KDM4C: variants seen among roughly 807,000 people sequenced by gnomAD.
KDM4C encodes the protein lysine-specific demethylase 4C.
KDM4C carries 81 observed loss-of-function variants against 129.3 expected under a neutral mutation model. The observed-to-expected ratio is 0.63, with a 90% CI of 0.52 to 0.75. KDM4C has a LOEUF of 0.75. KDM4C is among the 30% of genes least tolerant of loss of function. The pLI, the probability that KDM4C is intolerant of heterozygous loss-of-function variation, is 0.00. For synonymous variants in KDM4C, 573 were observed against 456.1 expected, an observed-to-expected ratio of 1.26 and a Z score of -3.26; for missense variants, 1,457 against 1,304.0, an observed-to-expected ratio of 1.12 and a Z score of -1.81.
chr9:7,039,681 A>G (rs895672906), intron 15 of KDM4C, among the ~76,000 whole-genome samples: 3 of 151,636 alleles, frequency 2.0e-5, no homozygotes, highest in East Asian at 1.9e-4. Flanking sequence ...ACAATAACTT[A>G]TGCTAGGGAA....
Position 7,128,094 on chromosome 9 carries a change from C to T in KDM4C, c.2639C>T (p.Ser880Phe). The T allele has an allele frequency of 6.3e-7, 1 of 1,596,394 alleles. No homozygotes were observed. The highest frequency in any genetic ancestry group is 8.5e-7 in the Non-Finnish European group (1 of 1,172,916). Residue 880 changes from serine (S) to phenylalanine (F), a missense_variant, in exon 19 of 22, where the codon TCC (serine) becomes TTC (phenylalanine). Ser to Phe is a radical substitution (Grantham distance 155). Coordinates refer to ENST00000381309, the MANE Select transcript of KDM4C (RefSeq NM_015061.6). ...VKSKACEKVI[S>F]VGQTVITKHR... ...TCCAAGGCTTGCGAGAAGGTCATTT[C>T]CGTGGGTCAAACGGTCATCACGAAG...
chr9:6,942,875 T>C (rs1205254271), intron 8 of KDM4C, among the ~76,000 whole-genome samples: 1 of 152,140 alleles, frequency 6.6e-6, no homozygotes, highest in Non-Finnish European at 1.5e-5. Context: ...AAATTTATTA[T>C]TATTATTTTT....
chr9:7,109,136 C>G (rs1838032109), intron 18 of KDM4C, among the ~76,000 whole-genome samples: 1 of 152,156 alleles, frequency 6.6e-6, no homozygotes, highest in African/African-American at 2.4e-5. Context: ...TCCTGTTTCC[C>G]TAATGGGCAT....
rs530664005 is a variant in KDM4C at position 6,987,258 on chromosome 9, C to A, written c.1677+592C>A. Among the ~76,000 whole-genome samples the A allele has an allele frequency of 7.9e-5, 12 of 152,266 alleles. No individual in the cohort carries two copies. In the East Asian group the frequency reaches 1.5e-3, roughly 20 times the overall value. On this transcript the variant is annotated intron_variant, in intron 11 of 21. Coordinates refer to ENST00000381309, the MANE Select transcript of KDM4C (RefSeq NM_015061.6). ...ACCCTGAATCTCAGGACCAGGGTGA[C>A]CTTTCTTGTCCTGCCCCCTCCTCGA...
intron 4 of KDM4C, among the ~76,000 whole-genome samples, chr9:6,831,350 A>G (rs1834784991): frequency 6.7e-6 from 1 of 150,022 alleles, no homozygotes; most frequent in Non-Finnish European, 1.5e-5. Flanking sequence ...TGCTTTCTTT[A>G]TGATGAGATC....
chr9:7,095,645 A>T (rs1836335523), intron 17 of KDM4C, among the ~76,000 whole-genome samples: 1 of 152,138 alleles, frequency 6.6e-6, no homozygotes, highest in Non-Finnish European at 1.5e-5. Flanking sequence ...AAAATATTAT[A>T]GTTTCCAACA....
intron 8 of KDM4C, among the ~76,000 whole-genome samples, chr9:6,929,470 TC>T (rs562923624): frequency 1.2e-3 from 150 of 129,488 alleles, no homozygotes; most frequent in African/African-American, 4.1e-3. Context: ...TTTGACTTTT[TC>T]TTTTTTTTTT....
intron 5 of KDM4C, among the ~76,000 whole-genome samples, chr9:6,856,583 T>TGTA (rs1491295273): frequency 7.6e-6 from 1 of 132,208 alleles, no homozygotes; most frequent in Non-Finnish European, 1.6e-5. Context: ...TGTGTGTGTA[T>TGTA]TTTTTTTTGA....
At chr9:7,138,789 C>G (rs1190561574) in intron 19 of KDM4C, among the ~76,000 whole-genome samples, 2 of 152,072 alleles carry the variant, frequency 1.3e-5, no homozygotes, top group African/African-American at 4.8e-5. Context: ...CATTGCATTC[C>G]TGCCTGGGTG....
intron 19 of KDM4C, among the ~76,000 whole-genome samples, chr9:7,158,771 A>C (rs1023231108): frequency 6.6e-6 from 1 of 152,198 alleles, no homozygotes; most frequent in African/African-American, 2.4e-5. Context: ...CTATGTGGTC[A>C]ATTTTAGAAT....
At chr9:7,094,084 C>G (rs111449031) in intron 17 of KDM4C, among the ~76,000 whole-genome samples, 5 of 152,252 alleles carry the variant, frequency 3.3e-5, no homozygotes, top group Non-Finnish European at 7.3e-5. Flanking sequence ...CTGTTACCAT[C>G]TTTACCTATC....
In KDM4C at chr9:7,113,306, C is replaced by G. The variant is rs559746674; in HGVS notation, c.2610+9436C>G. Among the ~76,000 whole-genome samples, 3 of 152,298 alleles carry G rather than the reference C, an allele frequency of 2.0e-5. No individual in the cohort carries two copies. In the South Asian group the frequency reaches 6.2e-4, roughly 32 times the overall value. On this transcript the variant is annotated intron_variant, in intron 18 of 21. Coordinates refer to ENST00000381309, the MANE Select transcript of KDM4C (RefSeq NM_015061.6). ...GATAGAAAGTGAAGGTTAGATTTGC[C>G]TGGAAGGAGGAATATTTAGCACAGA...
chr9:6,762,604 A>G (rs1215712971), intron 1 of KDM4C, among the ~76,000 whole-genome samples: 3 of 148,274 alleles, frequency 2.0e-5, no homozygotes, highest in African/African-American at 7.4e-5. Context: ...AATACAATAT[A>G]TATTAGGTCA....
At chr9:6,921,564 A>T (rs1821518071) in intron 8 of KDM4C, among the ~76,000 whole-genome samples, 1 of 152,192 alleles carries the variant, frequency 6.6e-6, no homozygotes, top group South Asian at 2.1e-4. Flanking sequence ...CTCTGGTCCA[A>T]CCACTATAAG....
At chr9:6,910,816 G>C (rs190820402) in intron 8 of KDM4C, among the ~76,000 whole-genome samples, 50 of 152,322 alleles carry the variant, frequency 3.3e-4, no homozygotes, top group Middle Eastern at 3.4e-3. Flanking sequence ...GCAAGTAAAT[G>C]TTGAACGCTG....
At chr9:6,843,522 C>G (rs1231930889) in intron 4 of KDM4C, among the ~76,000 whole-genome samples, 2 of 152,204 alleles carry the variant, frequency 1.3e-5, no homozygotes, top group Non-Finnish European at 2.9e-5. Flanking sequence ...CAGTGAAAGA[C>G]TGGACTTTTC....
At chr9:6,907,621 A>G (rs953913856) in intron 8 of KDM4C, among the ~76,000 whole-genome samples, 4 of 152,204 alleles carry the variant, frequency 2.6e-5, no homozygotes, top group Admixed American at 2.0e-4. Flanking sequence ...CAGCATTTAA[A>G]GCATTACTCT....
intron 1 of KDM4C, chr9:6,727,393 G>A (rs1418108942): frequency 6.6e-6 from 1 of 151,622 alleles, no homozygotes; most frequent in East Asian, 2.0e-4. Context: ...AGAGGTTGTA[G>A]TGAGCCGAAA....
chr9:6,951,643 A>G (rs1356227713), intron 8 of KDM4C, among the ~76,000 whole-genome samples: 4 of 152,240 alleles, frequency 2.6e-5, no homozygotes, highest in Non-Finnish European at 5.9e-5. Context: ...TAATTATAAC[A>G]GGACAATTAC....
Sources: allele counts gnomAD v4.1 joint callset (sites outside exome capture counted in the v4.1 genomes callset), GRCh38; gene constraint gnomAD v4.1.1; transcripts MANE v1.5; gene names NCBI Gene and HGNC (gene_info 2026-07-23, HGNC 2026-07-21).